The following SNTB1 variants were observed in gnomAD, a reference collection of about 807,000 sequenced individuals.
The protein encoded by SNTB1 is beta-1-syntrophin.
SNTB1 carries 36 observed loss-of-function variants against 48.9 expected under a neutral mutation model. That is an observed-to-expected ratio of 0.74 (90% CI 0.56 to 0.97). The LOEUF (loss-of-function observed/expected upper bound fraction) is 0.97. SNTB1 is among the 50% of genes least tolerant of loss of function. The pLI, the probability that SNTB1 is intolerant of heterozygous loss-of-function variation, is 0.00. For synonymous variants in SNTB1, 299 were observed against 294.6 expected, an observed-to-expected ratio of 1.01 and a Z score of -0.15; for missense variants, 786 against 703.4, an observed-to-expected ratio of 1.12 and a Z score of -1.33.
rs34765305 is a variant in SNTB1 at position 120,716,805 on chromosome 8, A to AT, written c.572-22898dup. Among the ~76,000 whole-genome samples, 68 of 152,146 alleles carry AT rather than the reference A, an allele frequency of 4.5e-4. 2 individuals are homozygous for AT. The East Asian group carries it at 0.012, about 26-fold the overall frequency. ...CATGATTTAACATGGGAAATAGAAG[A>AT]TTTTTTTCTAGCAGTATTAGGTGGT... On this transcript the variant is annotated intron_variant, in intron 1 of 6. Coordinates refer to ENST00000517992, the MANE Select transcript of SNTB1 (RefSeq NM_021021.4).
At position 120,641,610 on chromosome 8, in the gene SNTB1, G is replaced by A. The variant is rs192310776; in HGVS notation, c.789-8959C>T. Reference sequence around the variant, plus strand: ...CCCATTTTCTCCAGGTTTTGACAGCGCTTATCATTATTATTAATTTTTAAG... The same window carrying A: ...CCCATTTTCTCCAGGTTTTGACAGCACTTATCATTATTATTAATTTTTAAG... On this transcript the variant is annotated intron_variant, in intron 2 of 6. Transcript: ENST00000517992. Among the ~76,000 whole-genome samples the A allele has an allele frequency of 6.9e-3, 1,047 of 152,280 alleles. 5 individuals carry two copies. The highest frequency in any genetic ancestry group is 0.011 in the Non-Finnish European group (770 of 68,030).
chr8:120,601,663 T>C (rs1816424316), intron 3 of SNTB1, among the ~76,000 whole-genome samples: 1 of 152,212 alleles, frequency 6.6e-6, no homozygotes, highest in Non-Finnish European at 1.5e-5. Flanking sequence ...GTCAGGACTG[T>C]CAGCTCTGCA....
intron 3 of SNTB1, among the ~76,000 whole-genome samples, chr8:120,599,839 AGTT>A (rs1386797315): frequency 6.6e-6 from 1 of 152,188 alleles, no homozygotes; most frequent in Non-Finnish European, 1.5e-5. Flanking sequence ...ATGCTGCTAA[AGTT>A]GTCTTTCTTA....
chr8:120,553,689 T>TA (rs995015068), intron 4 of SNTB1, among the ~76,000 whole-genome samples: 37 of 152,236 alleles, frequency 2.4e-4, no homozygotes, highest in African/African-American at 8.7e-4. Context: ...TTCTTCTTTT[T>TA]AAAAAATTCT....
chr8:120,786,022 C>T (rs1390652948), intron 1 of SNTB1, among the ~76,000 whole-genome samples: 1 of 152,188 alleles, frequency 6.6e-6, no homozygotes, highest in African/African-American at 2.4e-5. Flanking sequence ...TATTTATAAC[C>T]AAGGAAATCT....
At chr8:120,557,007 T>C (rs575989638) in intron 4 of SNTB1, among the ~76,000 whole-genome samples, 1 of 152,262 alleles carries the variant, frequency 6.6e-6, no homozygotes, top group African/African-American at 2.4e-5. Context: ...AACACCAGGA[T>C]TCCCAAAGGG....
At chr8:120,766,574 T>C (rs918761756) in intron 1 of SNTB1, among the ~76,000 whole-genome samples, 1 of 152,214 alleles carries the variant, frequency 6.6e-6, no homozygotes, top group African/African-American at 2.4e-5. Flanking sequence ...TTAAGTCATT[T>C]AACATAAATC....
intron 3 of SNTB1, among the ~76,000 whole-genome samples, chr8:120,611,612 G>T (rs1033853153): frequency 1.3e-5 from 2 of 151,910 alleles, no homozygotes; most frequent in Non-Finnish European, 2.9e-5. Flanking sequence ...CACAAGGTCA[G>T]GAGATCGAGA....
intron 1 of SNTB1, among the ~76,000 whole-genome samples, chr8:120,751,565 G>A (rs1268258488): frequency 6.6e-6 from 1 of 151,988 alleles, no homozygotes; most frequent in Non-Finnish European, 1.5e-5. Context: ...TAAATGTCTG[G>A]TCTTACAACT....
intron 2 of SNTB1, among the ~76,000 whole-genome samples, chr8:120,633,855 T>A (rs2130755466): frequency 6.6e-6 from 1 of 152,318 alleles, no homozygotes; most frequent in East Asian, 1.9e-4. Flanking sequence ...TTTCTCCCAA[T>A]GGTTATATTT....
intron 1 of SNTB1, among the ~76,000 whole-genome samples, chr8:120,790,764 T>C (rs1820015699): frequency 6.6e-6 from 1 of 152,006 alleles, no homozygotes; most frequent in Non-Finnish European, 1.5e-5. Context: ...TGGAAATACA[T>C]CTTGTGCTCA....
chr8:120,619,152 T>C (rs773221375), intron 3 of SNTB1, among the ~76,000 whole-genome samples: 2 of 152,202 alleles, frequency 1.3e-5, no homozygotes, highest in Non-Finnish European at 2.9e-5. Context: ...TATGCTTTTA[T>C]TGAAAGATCA....
intron 1 of SNTB1, among the ~76,000 whole-genome samples, chr8:120,755,775 T>C (rs982100611): frequency 6.6e-6 from 1 of 152,160 alleles, no homozygotes; most frequent in Non-Finnish European, 1.5e-5. Context: ...GTAAGTACTA[T>C]GTTCCAAGTT....
chr8:120,588,153 G>T (rs1054516775), intron 3 of SNTB1, among the ~76,000 whole-genome samples: 1 of 152,052 alleles, frequency 6.6e-6, no homozygotes, highest in African/African-American at 2.4e-5. Context: ...GGGCTTCCTT[G>T]TCTACTTTCT....
chr8:120,674,181 C>T (rs1001774390), intron 2 of SNTB1, among the ~76,000 whole-genome samples: 1 of 152,160 alleles, frequency 6.6e-6, no homozygotes, highest in Non-Finnish European at 1.5e-5. Context: ...TTTGACCTGG[C>T]CCATAGCAAC....
intron 2 of SNTB1, among the ~76,000 whole-genome samples, chr8:120,650,023 G>A (rs1358123053): frequency 5.3e-5 from 8 of 151,756 alleles, no homozygotes; most frequent in Non-Finnish European, 8.8e-5. Flanking sequence ...GCCCTGCTTC[G>A]GCTCGCGCAC....
chr8:120,595,641 T>A (rs983304983), intron 3 of SNTB1, among the ~76,000 whole-genome samples: 3 of 151,914 alleles, frequency 2.0e-5, no homozygotes, highest in Non-Finnish European at 2.9e-5. Context: ...TGGAGTGCAA[T>A]GGCTCAATCT....
At chr8:120,635,842 C>T in intron 2 of SNTB1, 1 of 330,916 alleles carries the variant, frequency 3.0e-6, no homozygotes, top group South Asian at 3.6e-5. Context: ...TTCTTTTCAT[C>T]TTCATTTTGA....
At chr8:120,780,451 C>G (rs556527803) in intron 1 of SNTB1, among the ~76,000 whole-genome samples, 1 of 152,212 alleles carries the variant, frequency 6.6e-6, no homozygotes, top group East Asian at 1.9e-4. Flanking sequence ...GAGCAGTGCT[C>G]AAAGAAACCC....
Sources: gnomAD v4.1 joint callset for allele counts (sites outside exome capture counted in the v4.1 genomes callset) on GRCh38, gnomAD v4.1.1 for gene constraint, MANE v1.5 for transcripts, NCBI Gene and HGNC (gene_info 2026-07-23, HGNC 2026-07-21) for gene names.